The following SPATA17 variants were observed in gnomAD, a reference collection of about 807,000 sequenced individuals.
The protein encoded by SPATA17 is spermatogenesis-associated protein 17.
SPATA17 carries 53 observed loss-of-function variants against 62.2 expected under a neutral mutation model. The observed-to-expected ratio is 0.85, with a 90% CI of 0.68 to 1.07. SPATA17 has a LOEUF of 1.07. SPATA17 is among the 50% of genes least tolerant of loss of function. SPATA17 has a pLI of 0.00. For synonymous variants in SPATA17, 146 were observed against 146.8 expected, an observed-to-expected ratio of 0.99 and a Z score of 0.04; for missense variants, 466 against 425.5, an observed-to-expected ratio of 1.10 and a Z score of -0.84.
At chr1:217,648,075 A>C (rs1670230745) in intron 1 of SPATA17, among the ~76,000 whole-genome samples, 1 of 152,134 alleles carries the variant, frequency 6.6e-6, no homozygotes, top group African/African-American at 2.4e-5. Context: ...TACAACAATA[A>C]GGAATCATTC....
intron 6 of SPATA17, among the ~76,000 whole-genome samples, chr1:217,766,332 AT>A (rs1433826510): frequency 6.6e-6 from 1 of 151,866 alleles, no homozygotes; most frequent in Non-Finnish European, 1.5e-5. Context: ...CTTTCTTAGT[AT>A]GTAAGCTGCA....
intron 8 of SPATA17, among the ~76,000 whole-genome samples, chr1:217,794,912 C>A (rs1200403431): frequency 6.6e-6 from 1 of 152,092 alleles, no homozygotes; most frequent in African/African-American, 2.4e-5. Context: ...CTTGTTTTAG[C>A]CTAACATATC....
chr1:217,749,612 C>T (rs1672850843), intron 6 of SPATA17, among the ~76,000 whole-genome samples: 2 of 152,030 alleles, frequency 1.3e-5, no homozygotes, highest in Admixed American at 1.3e-4. Context: ...TCAAATCAGT[C>T]CCTTCACGTT....
chr1:217,655,020 T>C (rs1037267955), intron 3 of SPATA17, among the ~76,000 whole-genome samples: 1 of 152,226 alleles, frequency 6.6e-6, no homozygotes, highest in Admixed American at 6.5e-5. Flanking sequence ...CTACATAATC[T>C]TATTACAATA....
chr1:217,756,779 A>G (rs1305917250), intron 6 of SPATA17, among the ~76,000 whole-genome samples: 1 of 152,190 alleles, frequency 6.6e-6, no homozygotes. Flanking sequence ...CAGAAAAAGA[A>G]CAATGAAGAG....
chr1:217,808,006 G>A (rs1258976373), intron 9 of SPATA17, among the ~76,000 whole-genome samples: 1 of 152,114 alleles, frequency 6.6e-6, no homozygotes, highest in Admixed American at 6.6e-5. Flanking sequence ...CAGTTCAAAA[G>A]TATTTCTCTC....
At chr1:217,841,054 T>C (rs552728450) in intron 9 of SPATA17, among the ~76,000 whole-genome samples, 1 of 152,058 alleles carries the variant, frequency 6.6e-6, no homozygotes, top group South Asian at 2.1e-4. Context: ...AAATTTCTTT[T>C]GGTTTTCATA....
intron 9 of SPATA17, among the ~76,000 whole-genome samples, chr1:217,849,957 G>C (rs1179116382): frequency 6.6e-6 from 1 of 152,086 alleles, no homozygotes; most frequent in Non-Finnish European, 1.5e-5. Context: ...TTCATTCCTT[G>C]TAAGTCTAGT....
intron 5 of SPATA17, among the ~76,000 whole-genome samples, chr1:217,716,484 A>G (rs1349954359): frequency 6.6e-6 from 1 of 152,232 alleles, no homozygotes; most frequent in Non-Finnish European, 1.5e-5. Flanking sequence ...AGAAATGCAA[A>G]TGATAATAAT....
intron 5 of SPATA17, among the ~76,000 whole-genome samples, chr1:217,727,044 T>TA (rs1672278538): frequency 6.6e-6 from 1 of 151,810 alleles, no homozygotes; most frequent in African/African-American, 2.4e-5. Context: ...GGTCAGGAGT[T>TA]AGAGACCAAC....
intron 3 of SPATA17, among the ~76,000 whole-genome samples, chr1:217,668,795 T>C (rs1670766399): frequency 6.6e-6 from 1 of 152,186 alleles, no homozygotes; most frequent in Non-Finnish European, 1.5e-5. Context: ...GCAGAGAGCA[T>C]TTTATGATCA....
intron 5 of SPATA17, among the ~76,000 whole-genome samples, chr1:217,737,288 C>A (rs1339066700): frequency 1.3e-5 from 2 of 152,080 alleles, no homozygotes; most frequent in Non-Finnish European, 2.9e-5. Context: ...TAGCCAGGAA[C>A]CTCTTGAAAG....
At chr1:217,803,087 T>A (rs1674351617) in intron 9 of SPATA17, among the ~76,000 whole-genome samples, 1 of 152,172 alleles carries the variant, frequency 6.6e-6, no homozygotes, top group Admixed American at 6.5e-5. Flanking sequence ...TAATTTTTTG[T>A]ATTTTCAGTA....
At chr1:217,638,994 T>G (rs1669999495) in intron 1 of SPATA17, among the ~76,000 whole-genome samples, 1 of 152,030 alleles carries the variant, frequency 6.6e-6, no homozygotes, top group Non-Finnish European at 1.5e-5. Flanking sequence ...TGAATAATAG[T>G]TACTGCAGAA....
chr1:217,726,822 C>G (rs1202516776), intron 5 of SPATA17, among the ~76,000 whole-genome samples: 5 of 151,918 alleles, frequency 3.3e-5, no homozygotes, highest in Non-Finnish European at 5.9e-5. Context: ...AATAACCACT[C>G]AATAAATATT....
At chr1:217,729,524 A>G (rs927196316) in intron 5 of SPATA17, among the ~76,000 whole-genome samples, 1 of 152,224 alleles carries the variant, frequency 6.6e-6, no homozygotes, top group African/African-American at 2.4e-5. Flanking sequence ...GAGTTAAAGA[A>G]AACAACATTT....
chr1:217,814,599 G>C, intron 9 of SPATA17, among the ~76,000 whole-genome samples: 1 of 152,228 alleles, frequency 6.6e-6, no homozygotes, highest in African/African-American at 2.4e-5. Context: ...TGTAATCCCA[G>C]CACTTTGGGA....
In SPATA17 at chr1:217,869,039, T is replaced by G. The variant is rs1676077324; in HGVS notation, c.*2020T>G. On this transcript the variant is annotated 3_prime_UTR_variant, in exon 11 of 11. Coordinates refer to ENST00000366933, the MANE Select transcript of SPATA17 (RefSeq NM_138796.4). ...TTTGGCCAAGGTTAAGGACATGCCC[T>G]TGACACTGCACCTGTCAGTACAGGT... 1 of 152,286 alleles carries G rather than the reference T, an allele frequency of 6.6e-6. No homozygotes were observed. Among genetic ancestry groups the G allele is most frequent in the Non-Finnish European group, 1.5e-5 (1 of 68,088 alleles). The allele number at this position is 152,286 out of a possible 1,614,324, so 9.4% of individuals were successfully genotyped here. A position where few individuals can be genotyped will look rare whatever the true frequency, so the allele number is the denominator to read the frequency against.
rs556618492 is a variant in SPATA17, at chr1:217,802,576, G to T, written c.1005+726G>T. Among the ~76,000 whole-genome samples the T allele has an allele frequency of 2.0e-5, 3 of 152,116 alleles. No homozygotes were observed. In the South Asian group the frequency reaches 6.3e-4, roughly 32 times the overall value. On this transcript the variant is annotated intron_variant, in intron 9 of 10. Transcript: ENST00000366933. ...TTTGCTCATATGACCTCTTCTCTCT[G>T]GGCAGAGAGAGAGCAGGCTGTCTTG... is the stretch of plus-strand genomic sequence containing the variant.
Sources: gnomAD v4.1 joint callset for allele counts (sites outside exome capture counted in the v4.1 genomes callset) on GRCh38, gnomAD v4.1.1 for gene constraint, MANE v1.5 for transcripts, NCBI Gene and HGNC (gene_info 2026-07-23, HGNC 2026-07-21) for gene names.